RABGAP1L: variants seen among roughly 807,000 people sequenced by gnomAD.
RABGAP1L encodes the protein RAB GTPase activating protein 1 like, also known as rab GTPase-activating protein 1-like.
A neutral mutation model predicts 137.7 loss-of-function variants in RABGAP1L; 63 were observed. That is an observed-to-expected ratio of 0.46 (90% CI 0.37 to 0.56). RABGAP1L has a LOEUF of 0.56. Among genes scored for constraint, RABGAP1L ranks in the 20% least tolerant of loss-of-function variants. RABGAP1L has a pLI of 0.00. For missense variants in RABGAP1L, 1,095 were observed against 1,244.0 expected (o/e 0.88, Z 1.80); for synonymous variants, 431 against 433.7 (o/e 0.99, Z 0.08).
At position 174,944,728 on chromosome 1, in the gene RABGAP1L, G is replaced by C. The variant is rs543846387; in HGVS notation, c.2341-12729G>C. On this transcript the variant is annotated intron_variant, in intron 19 of 25. Transcript: ENST00000681986. ...TGACTTTTAACCAGTTCTACTTACT[G>C]TCTTTATAGATGGATGAATACAGTA... is the stretch of plus-strand genomic sequence containing the variant. 7.9e-4 allele frequency among the ~76,000 whole-genome samples: 119 copies of C among 150,044 alleles called. 1 individual carries two copies. Among genetic ancestry groups the C allele is most frequent in the South Asian group, 1.7e-3 (8 of 4,750 alleles).
chr1:174,378,649 TA>T (rs1291777887), intron 12 of RABGAP1L, among the ~76,000 whole-genome samples: 1 of 152,156 alleles, frequency 6.6e-6, no homozygotes, highest in Admixed American at 6.5e-5. Context: ...TTTTTTCTTG[TA>T]AATTTGTTTG....
At chr1:174,957,716 A>T in intron 20 of RABGAP1L, 167 bp downstream of exon 20, 1 of 924,378 alleles carries the variant, frequency 1.1e-6, no homozygotes, top group Non-Finnish European at 1.7e-6. Flanking sequence ...CATTCCCAGC[A>T]AAGTACCTTT....
At chr1:174,922,203 T>TG (rs1210555795) in intron 19 of RABGAP1L, 1 of 152,374 alleles carries the variant, frequency 6.6e-6, no homozygotes, top group Non-Finnish European at 1.5e-5. Context: ...TACCTTGCTA[T>TG]GGGTGGCACC....
intron 13 of RABGAP1L, among the ~76,000 whole-genome samples, chr1:174,634,683 C>T (rs1297400725): frequency 8.5e-6 from 1 of 117,666 alleles, no homozygotes; most frequent in African/African-American, 3.9e-5. Flanking sequence ...CACATATACA[C>T]CATGGAATAC....
chr1:174,704,198 C>T (rs1266328405), intron 17 of RABGAP1L, among the ~76,000 whole-genome samples: 2 of 152,088 alleles, frequency 1.3e-5, no homozygotes, highest in Non-Finnish European at 2.9e-5. Flanking sequence ...GGGGTTTCAC[C>T]ATGCTGGCCA....
chr1:174,607,343 C>T (rs1377581984), intron 13 of RABGAP1L, among the ~76,000 whole-genome samples: 25 of 152,134 alleles, frequency 1.6e-4, no homozygotes, highest in Non-Finnish European at 2.9e-5. Flanking sequence ...GCCAAAGTTG[C>T]CTTCAGTCTC....
chr1:174,745,693 A>G (rs146983494), intron 17 of RABGAP1L, among the ~76,000 whole-genome samples: 438 of 152,328 alleles, frequency 2.9e-3, no homozygotes, highest in Non-Finnish European at 4.6e-3. Flanking sequence ...AATACTGGAT[A>G]TAATGGGCAA....
intron 13 of RABGAP1L, among the ~76,000 whole-genome samples, chr1:174,617,752 G>T (rs1672027179): frequency 6.6e-6 from 1 of 152,172 alleles, no homozygotes; most frequent in Non-Finnish European, 1.5e-5. Flanking sequence ...CAGCCAAGAG[G>T]CCAAATAGGA....
At chr1:174,542,816 A>T (rs560462285) in intron 13 of RABGAP1L, among the ~76,000 whole-genome samples, 4 of 152,294 alleles carry the variant, frequency 2.6e-5, no homozygotes, top group African/African-American at 9.6e-5. Context: ...TTGGTTTCAA[A>T]GTACATCTTT....
intron 11 of RABGAP1L, among the ~76,000 whole-genome samples, chr1:174,349,836 C>T (rs762144119): frequency 0.15 from 16,824 of 110,152 alleles, 2 homozygotes; most frequent in Non-Finnish European, 0.22. Flanking sequence ...ACCTCCCAGA[C>T]GGGGCGGCTG....
intron 23 of RABGAP1L, 41 bp downstream of exon 23, chr1:174,978,931 C>A: frequency 6.9e-7 from 1 of 1,453,296 alleles, no homozygotes; most frequent in South Asian, 1.5e-5. Flanking sequence ...TTATAGTTTG[C>A]TGCTATAAAA....
At chr1:174,328,480 A>T (rs1360262396) in intron 11 of RABGAP1L, among the ~76,000 whole-genome samples, 11 of 152,116 alleles carry the variant, frequency 7.2e-5, no homozygotes, top group Non-Finnish European at 2.9e-5. Context: ...GAATTTAAAA[A>T]ATTTCTTGGC....
At chr1:174,931,413 G>C (rs1384471936) in intron 19 of RABGAP1L, among the ~76,000 whole-genome samples, 1 of 151,964 alleles carries the variant, frequency 6.6e-6, no homozygotes, top group Non-Finnish European at 1.5e-5. Context: ...CCTCTTTCAG[G>C]GATTTTCTTT....
intron 18 of RABGAP1L, among the ~76,000 whole-genome samples, chr1:174,808,028 G>C (rs999418339): frequency 1.3e-5 from 2 of 150,324 alleles, no homozygotes; most frequent in Non-Finnish European, 3.0e-5. Context: ...GCCCAGGCTG[G>C]AGTGCAGTGC....
At chr1:174,946,097 T>A (rs1460097338) in intron 19 of RABGAP1L, among the ~76,000 whole-genome samples, 1 of 152,142 alleles carries the variant, frequency 6.6e-6, no homozygotes, top group Non-Finnish European at 1.5e-5. Flanking sequence ...TCTTTTTCTT[T>A]TTTCTTTTTA....
rs2148770774 is a variant in RABGAP1L, at chr1:174,305,126, G to A, written c.1464G>A (p.Glu488=). Residue 488 remains glutamate, a splice_region_variant and synonymous_variant, in exon 11 of 26, where the codon GAG becomes GAA. Coordinates refer to ENST00000681986, the MANE Select transcript of RABGAP1L (RefSeq NM_001366446.1). ...CACCCCAGGATGATGAAGCAGAAGA[G>A]GGTAAGAAGTTGGACTTACTCAGTT... ...PMSPQDDEAE[E]ESDNELSSGT... 1 of 1,526,118 alleles carries A rather than the reference G, an allele frequency of 6.6e-7. No homozygotes were observed. Among genetic ancestry groups the A allele is most frequent in the East Asian group, 2.6e-5 (1 of 38,624 alleles). The allele number at this position is 1,526,118 out of a possible 1,614,324, so 94.5% of individuals were successfully genotyped here. A position where few individuals can be genotyped will look rare whatever the true frequency, so the allele number is the denominator to read the frequency against.
intron 1 of RABGAP1L, among the ~76,000 whole-genome samples, chr1:174,181,822 C>T (rs1278471322): frequency 6.6e-6 from 1 of 152,138 alleles, no homozygotes; most frequent in Non-Finnish European, 1.5e-5. Flanking sequence ...ATTAAGGGCT[C>T]TGCCAACAGA....
chr1:174,517,148 T>C lies in RABGAP1L; in HGVS notation c.1711-120227T>C, dbSNP rs1036792381. The stretch of plus-strand genomic sequence containing the variant: ...GATACAGACGTGAATAATATTTCAC[T>C]AAGATATAAGATTATTAGCATGAAT... On this transcript the variant is annotated intron_variant, in intron 13 of 25. Coordinates refer to ENST00000681986, the MANE Select transcript of RABGAP1L (RefSeq NM_001366446.1). Among the ~76,000 whole-genome samples, 9 of 152,018 alleles carry C rather than the reference T, an allele frequency of 5.9e-5. No homozygotes were observed. The East Asian group carries it at 1.5e-3, about 26-fold the overall frequency.
chr1:174,209,446 G>A (rs1668719731), intron 1 of RABGAP1L, among the ~76,000 whole-genome samples: 1 of 152,198 alleles, frequency 6.6e-6, no homozygotes, highest in African/African-American at 2.4e-5. Flanking sequence ...GGGAACATCG[G>A]CAGTAGCTTG....
Sources: allele counts gnomAD v4.1 joint callset (sites outside exome capture counted in the v4.1 genomes callset), GRCh38; gene constraint gnomAD v4.1.1; transcripts MANE v1.5; gene names NCBI Gene and HGNC (gene_info 2026-07-23, HGNC 2026-07-21).